Variants in SLC24A3 observed in about 807,000 individuals in gnomAD.
SLC24A3 encodes the protein sodium/potassium/calcium exchanger 3.
A neutral mutation model predicts 75.8 loss-of-function variants in SLC24A3; 28 were observed. The observed-to-expected ratio is 0.37, with a 90% confidence interval of 0.27 to 0.51. The LOEUF (loss-of-function observed/expected upper bound fraction) is 0.51. SLC24A3 is among the 20% of genes least tolerant of loss of function. The probability of loss-of-function intolerance (pLI) is 0.94; values close to 1 mark genes in which losing one functional copy is unlikely to be tolerated. For synonymous variants in SLC24A3, 372 were observed against 334.1 expected (o/e 1.11, Z -1.24); for missense variants, 663 against 847.8 (o/e 0.78, Z 2.71).
At chr20:19,615,185 T>C (rs867242004) in intron 6 of SLC24A3, among the ~76,000 whole-genome samples, 32 of 152,204 alleles carry the variant, frequency 2.1e-4, no homozygotes, top group Middle Eastern at 6.8e-3. Flanking sequence ...AATATATATA[T>C]CATGGAGGGA....
chr20:19,318,123 G>A (rs891404945), intron 2 of SLC24A3, among the ~76,000 whole-genome samples: 1 of 152,160 alleles, frequency 6.6e-6, no homozygotes, highest in Non-Finnish European at 1.5e-5. Flanking sequence ...CCCTACAGGG[G>A]GCTGACTCTG....
chr20:19,412,634 G>GA (rs1433390744), intron 2 of SLC24A3, among the ~76,000 whole-genome samples: 30 of 149,800 alleles, frequency 2.0e-4, no homozygotes, highest in Non-Finnish European at 3.2e-4. Flanking sequence ...AGGAGGAGGG[G>GA]GGGAGGAGGA....
At chr20:19,405,942 A>G (rs777879331) in intron 2 of SLC24A3, among the ~76,000 whole-genome samples, 7 of 152,204 alleles carry the variant, frequency 4.6e-5, no homozygotes, top group Non-Finnish European at 8.8e-5. Context: ...TTCTCTGCTG[A>G]AGGACTGTGT....
intron 2 of SLC24A3, among the ~76,000 whole-genome samples, chr20:19,301,588 A>G (rs1025155151): frequency 1.3e-5 from 2 of 152,200 alleles, no homozygotes; most frequent in African/African-American, 4.8e-5. Flanking sequence ...TGGCAAGCCA[A>G]ACTCATTTTC....
chr20:19,523,439 G>T (rs1021910758), intron 3 of SLC24A3, among the ~76,000 whole-genome samples: 5 of 152,254 alleles, frequency 3.3e-5, no homozygotes, highest in African/African-American at 1.2e-4. Context: ...CTGGTGTCCA[G>T]AGAGGATTAG....
chr20:19,634,784 T>C (rs2031979346), intron 6 of SLC24A3, among the ~76,000 whole-genome samples: 1 of 152,164 alleles, frequency 6.6e-6, no homozygotes, highest in African/African-American at 2.4e-5. Context: ...GACACTTTTC[T>C]GTGTGGTAGA....
chr20:19,418,447 G>C (rs557751568), intron 2 of SLC24A3, among the ~76,000 whole-genome samples: 54 of 152,084 alleles, frequency 3.6e-4, no homozygotes, highest in African/African-American at 1.3e-3. Flanking sequence ...ACAATGGATG[G>C]AATAAAGTAG....
intron 6 of SLC24A3, among the ~76,000 whole-genome samples, chr20:19,608,398 C>T (rs2031626328): frequency 6.6e-6 from 1 of 152,276 alleles, no homozygotes; most frequent in Middle Eastern, 3.4e-3. Flanking sequence ...TAAATGATTA[C>T]CAAATGGATT....
At chr20:19,371,069 A>G (rs1568601823) in intron 2 of SLC24A3, among the ~76,000 whole-genome samples, 1 of 152,006 alleles carries the variant, frequency 6.6e-6, no homozygotes, top group African/African-American at 2.4e-5. Context: ...CTGAGCAAGG[A>G]TTTGGGTGCA....
chr20:19,590,630 C>T (rs965996997), intron 6 of SLC24A3, among the ~76,000 whole-genome samples: 4 of 152,320 alleles, frequency 2.6e-5, no homozygotes, highest in African/African-American at 9.6e-5. Flanking sequence ...CGTACATGAT[C>T]CTGTGAGTAG....
intron 2 of SLC24A3, among the ~76,000 whole-genome samples, chr20:19,423,143 C>T (rs1374068829): frequency 6.6e-6 from 1 of 152,222 alleles, no homozygotes; most frequent in African/African-American, 2.4e-5. Context: ...CCGGTCTGGC[C>T]AAGAGTGGTT....
At chr20:19,324,234 T>TG (rs149684962) in intron 2 of SLC24A3, among the ~76,000 whole-genome samples, 3 of 152,312 alleles carry the variant, frequency 2.0e-5, no homozygotes, top group Non-Finnish European at 4.4e-5. Context: ...AAGTGGATGT[T>TG]GGGGGGCAAG....
intron 2 of SLC24A3, among the ~76,000 whole-genome samples, chr20:19,469,791 G>A (rs1987835538): frequency 6.6e-6 from 1 of 152,122 alleles, no homozygotes; most frequent in Admixed American, 6.5e-5. Context: ...TAAGCTTTGG[G>A]AAAAACTAGC....
In SLC24A3 at chr20:19,721,111, G is replaced by C. The variant is rs1243640963; in HGVS notation, c.1906G>C (p.Val636Leu). The change falls in exon 17 of 17, where the codon GTG becomes CTG. Residue 636 changes from valine (V) to leucine (L), a missense_variant. By Grantham distance (32) the Val-to-Leu change is conservative. Transcript: ENST00000328041. Reference sequence around the variant, plus strand: ...GACTGAGTTCAACGTGTTCACCTTTGTGAACCTGCCCATGTGCGGGGACCA... The same window carrying C: ...GACTGAGTTCAACGTGTTCACCTTTCTGAACCTGCCCATGTGCGGGGACCA... ...IMTEFNVFTFVNLPMCGDH is the reference protein window; with the variant it reads ...IMTEFNVFTFLNLPMCGDH 1 of 1,614,134 alleles carries C rather than the reference G, an allele frequency of 6.2e-7. No individual in the cohort carries two copies. The highest frequency in any genetic ancestry group is 8.5e-7 in the Non-Finnish European group (1 of 1,180,030).
intron 2 of SLC24A3, among the ~76,000 whole-genome samples, chr20:19,454,983 C>A (rs1003281328): frequency 1.3e-5 from 2 of 152,174 alleles, no homozygotes; most frequent in Non-Finnish European, 2.9e-5. Context: ...TCTCAGAACT[C>A]CTTCCCGCTC....
intron 3 of SLC24A3, among the ~76,000 whole-genome samples, chr20:19,529,206 C>T (rs1009884663): frequency 6.6e-6 from 1 of 152,012 alleles, no homozygotes; most frequent in African/African-American, 2.4e-5. Flanking sequence ...TATGTATATA[C>T]ACACACATAA....
intron 6 of SLC24A3, among the ~76,000 whole-genome samples, chr20:19,617,996 G>GTT (rs151327644): frequency 2.0e-5 from 3 of 147,664 alleles, no homozygotes; most frequent in East Asian, 2.0e-4. Context: ...TTTGTTTTTT[G>GTT]TTTTTTTTTT....
intron 1 of SLC24A3, among the ~76,000 whole-genome samples, chr20:19,264,439 G>A (rs1244323908): frequency 6.6e-6 from 1 of 152,068 alleles, no homozygotes; most frequent in East Asian, 1.9e-4. Flanking sequence ...TGAGAGGTGG[G>A]AGCCAGCTTG....
At chr20:19,251,869 C>G (rs1156466504) in intron 1 of SLC24A3, among the ~76,000 whole-genome samples, 3 of 152,174 alleles carry the variant, frequency 2.0e-5, no homozygotes, top group Non-Finnish European at 4.4e-5. Context: ...GGGGGCCCCT[C>G]CAGTATCTGT....
Sources: allele counts gnomAD v4.1 joint callset (sites outside exome capture counted in the v4.1 genomes callset), GRCh38; gene constraint gnomAD v4.1.1; transcripts MANE v1.5; gene names NCBI Gene and HGNC (gene_info 2026-07-23, HGNC 2026-07-21).